The following MACF1 variants were observed in gnomAD, a reference collection of about 807,000 sequenced individuals.
MACF1 encodes microtubule-actin cross-linking factor 1.
Under a neutral mutation model 854.8 loss-of-function variants are expected in MACF1, and 193 were observed. The observed-to-expected ratio is 0.23, with a 90% confidence interval of 0.20 to 0.25. The LOEUF is 0.25. Among genes scored for constraint, MACF1 ranks in the 10% least tolerant of loss-of-function variants. The pLI, the probability that MACF1 is intolerant of heterozygous loss-of-function variation, is 1.00. For synonymous variants in MACF1, 3,185 were observed against 3,226.7 expected (o/e 0.99, Z 0.44); for missense variants, 7,722 against 8,929.1 (o/e 0.86, Z 5.45).
At chr1:39,234,626 G>A (rs1422302797) in intron 2 of MACF1, among the ~76,000 whole-genome samples, 1 of 93,094 alleles carries the variant, frequency 1.1e-5, no homozygotes, top group Non-Finnish European at 2.2e-5. Context: ...CGGACGGGGC[G>A]GCTGGCCGGG....
At chr1:39,300,180 T>C in intron 21 of MACF1, 30 bp from the exon 22 acceptor site, 1 of 1,610,158 alleles carries the variant, frequency 6.2e-7, no homozygotes, top group Non-Finnish European at 8.5e-7. Context: ...GCAGCATTAA[T>C]GTCATTTTGT....
At chr1:39,483,621 C>G (rs1645055671) in intron 99 of MACF1, among the ~76,000 whole-genome samples, 1 of 152,046 alleles carries the variant, frequency 6.6e-6, no homozygotes, top group Admixed American at 6.5e-5. Context: ...GGATTTAATC[C>G]CTGATTTCCC....
In MACF1 at chr1:39,323,359, A is replaced by G. The variant is rs1571334837; in HGVS notation, c.4236+351A>G. Among the ~76,000 whole-genome samples the G allele has an allele frequency of 2.6e-5, 4 of 151,858 alleles. No homozygotes were observed. The South Asian group carries it at 8.3e-4, about 31-fold the overall frequency. The stretch of plus-strand genomic sequence containing the variant: ...AAAAAAAGCCCAAAATATCCCACAT[A>G]CCCCGTAAATATATACACCTACTAT... On this transcript the variant is annotated intron_variant, in intron 33 of 100. Coordinates refer to ENST00000564288, the MANE Select transcript of MACF1 (RefSeq NM_001394062.1).
intron 23 of MACF1, among the ~76,000 whole-genome samples, chr1:39,305,280 G>A (rs1330982206): frequency 2.0e-5 from 3 of 150,122 alleles, no homozygotes; most frequent in African/African-American, 4.9e-5. Context: ...AAAAAAAAGT[G>A]TGTGTGTGTA....
chr1:39,125,134 AAG>A (rs1199324434), intron 2 of MACF1, among the ~76,000 whole-genome samples: 5 of 152,236 alleles, frequency 3.3e-5, no homozygotes, highest in Non-Finnish European at 5.9e-5. Flanking sequence ...AAAATGAAAA[AAG>A]AGTAAAACAC....
Position 39,287,446 on chromosome 1 carries a change from A to G in MACF1, c.1669A>G (p.Thr557Ala), listed in dbSNP as rs750194067. ...AACCAAGGCAACCCATTCTTCTTCTACCTCCTGGTTCCGAAAGCCTATGAC... is the reference window on the plus strand; with the variant it reads ...AACCAAGGCAACCCATTCTTCTTCTGCCTCCTGGTTCCGAAAGCCTATGAC... ...PLTKATHSSS[T>A]SWFRKPMTRA... The change falls in exon 15 of 101, where the codon ACC (threonine) becomes GCC (alanine). Residue 557 changes from threonine (T) to alanine (A), a missense_variant. Around this residue, in one of 15 missense-constraint regions of MACF1, gnomAD observed 1,137 missense variants for 1,263.0 expected, o/e 0.90. Transcript: ENST00000564288. 3.1e-6 allele frequency: 5 copies of G among 1,613,778 alleles called. No homozygotes were observed. The highest frequency in any genetic ancestry group is 2.2e-5 in the South Asian group (2 of 91,064).
In MACF1 at chr1:39,385,639, G is replaced by A. The variant is rs1557623433; in HGVS notation, c.14054G>A (p.Ser4685Asn). The change falls in exon 57 of 101, where the codon AGC (serine) becomes AAC (asparagine). Residue 4685 changes from serine (S) to asparagine (N), a missense_variant. By Grantham distance (46) the Ser-to-Asn change is conservative. Coordinates refer to ENST00000564288, the MANE Select transcript of MACF1 (RefSeq NM_001394062.1). Reference protein sequence around the residue: ...SSQIDQAIVKSTQYQELLQDL... With the variant: ...SSQIDQAIVKNTQYQELLQDL... ...CAAATTGACCAAGCTATTGTTAAGA[G>A]CACCCAGTACCAGGAACTGCTCCAG... is the stretch of plus-strand genomic sequence containing the variant. 5 of 1,614,118 alleles carry A rather than the reference G, an allele frequency of 3.1e-6. No homozygotes were observed. The highest frequency in any genetic ancestry group is 2.2e-5 in the South Asian group (2 of 91,066).
chr1:39,097,820 C>T (rs1208261499), intron 2 of MACF1, among the ~76,000 whole-genome samples: 1 of 152,190 alleles, frequency 6.6e-6, no homozygotes, highest in Admixed American at 6.5e-5. Flanking sequence ...TCACGTGACT[C>T]TGATCTCAAC....
chr1:39,155,478 C>T (rs1418184832), intron 2 of MACF1, among the ~76,000 whole-genome samples: 1 of 152,176 alleles, frequency 6.6e-6, no homozygotes, highest in East Asian at 1.9e-4. Flanking sequence ...CATTCCTTTA[C>T]ATCTGACTCT....
chr1:39,301,503 G>T (rs935447001), intron 22 of MACF1, among the ~76,000 whole-genome samples: 2 of 151,932 alleles, frequency 1.3e-5, no homozygotes, highest in African/African-American at 4.8e-5. Context: ...TCAGCTCACT[G>T]CAACCTCTGC....
At chr1:39,420,486 G>A (rs1643492262) in intron 58 of MACF1, among the ~76,000 whole-genome samples, 1 of 152,200 alleles carries the variant, frequency 6.6e-6, no homozygotes, top group East Asian at 1.9e-4. Context: ...TAACTGAACT[G>A]CTTTGTAATG....
intron 1 of MACF1, among the ~76,000 whole-genome samples, chr1:39,215,031 A>T (rs548005117): frequency 1.3e-5 from 2 of 152,276 alleles, no homozygotes; most frequent in Non-Finnish European, 2.9e-5. Context: ...TCATACCTTG[A>T]CTGGACTTTT....
intron 2 of MACF1, among the ~76,000 whole-genome samples, chr1:39,128,832 T>C (rs544644781): frequency 6.6e-6 from 1 of 152,368 alleles, no homozygotes; most frequent in South Asian, 2.1e-4. Context: ...AGCTAACCCA[T>C]GATAACTCAT....
At chr1:39,383,762 A>C (rs1328310667) in intron 56 of MACF1, among the ~76,000 whole-genome samples, 1 of 152,018 alleles carries the variant, frequency 6.6e-6, no homozygotes, top group Non-Finnish European at 1.5e-5. Context: ...CTGTAGTCCC[A>C]GCTGCTCGGG....
chr1:39,121,628 A>G (rs1322166328), intron 2 of MACF1, among the ~76,000 whole-genome samples: 1 of 152,080 alleles, frequency 6.6e-6, no homozygotes, highest in East Asian at 1.9e-4. Flanking sequence ...TTATATTTTT[A>G]GTAGAGACGG....
intron 97 of MACF1, among the ~76,000 whole-genome samples, chr1:39,475,072 C>T (rs537616075): frequency 6.6e-6 from 1 of 152,284 alleles, no homozygotes; most frequent in African/African-American, 2.4e-5. Context: ...GTACTTACCA[C>T]ATTGTGCTTC....
At chr1:39,435,981 A>C in intron 70 of MACF1, 1 of 529,080 alleles carries the variant, frequency 1.9e-6, no homozygotes, top group South Asian at 2.9e-5. Flanking sequence ...GCTGGTATAT[A>C]TTGTCTGTTG....
At chr1:39,422,667 T>A in intron 59 of MACF1, 63 bp from the exon 60 acceptor site, 1 of 1,556,014 alleles carries the variant, frequency 6.4e-7, no homozygotes, top group Non-Finnish European at 8.8e-7. Flanking sequence ...CTAAAAGAGG[T>A]CAGTAGTAAT....
rs765114862 is a variant in MACF1, at chr1:39,422,680, GAAA to G, written c.15979-48_15979-46del. 222 of 1,582,180 alleles carry G rather than the reference GAAA, an allele frequency of 1.4e-4. 1 individual carries two copies. The African/African-American group carries it at 2.5e-3, about 18-fold the overall frequency. On this transcript the variant is annotated intron_variant, in intron 59 of 100. Coordinates refer to ENST00000564288, the MANE Select transcript of MACF1 (RefSeq NM_001394062.1). ...TACTAAAAGAGGTCAGTAGTAATTT[GAAA>G]ACTACTTTCTCCGTTCTCATAATGA...
Sources: allele counts gnomAD v4.1 joint callset (sites outside exome capture counted in the v4.1 genomes callset), GRCh38; gene constraint gnomAD v4.1.1; regional missense constraint gnomAD v4.1.1; transcripts MANE v1.5; gene names NCBI Gene and HGNC (gene_info 2026-07-23, HGNC 2026-07-21).